The following PLXNA4 variants were observed in gnomAD, a reference collection of about 807,000 sequenced individuals.
PLXNA4 encodes plexin-A4.
PLXNA4 carries 44 observed loss-of-function variants against 191.8 expected under a neutral mutation model. That is an observed-to-expected ratio of 0.23 (90% CI 0.18 to 0.29). The LOEUF (loss-of-function observed/expected upper bound fraction) is 0.29. PLXNA4 is among the 10% of genes least tolerant of loss of function. The probability of loss-of-function intolerance (pLI) is 1.00; values close to 1 mark genes in which losing one functional copy is unlikely to be tolerated. For synonymous variants in PLXNA4, 1,082 were observed against 1,009.5 expected, an observed-to-expected ratio of 1.07 and a Z score of -1.36; for missense variants, 1,800 against 2,488.8, an observed-to-expected ratio of 0.72 and a Z score of 5.89.
intron 25 of PLXNA4, among the ~76,000 whole-genome samples, chr7:132,157,779 C>T (rs1795839171): frequency 6.6e-6 from 1 of 152,200 alleles, no homozygotes; most frequent in South Asian, 2.1e-4. Flanking sequence ...CACTACCAAA[C>T]TCAATTCTCC....
At chr7:132,388,397 G>T (rs925613719) in intron 3 of PLXNA4, among the ~76,000 whole-genome samples, 5 of 152,102 alleles carry the variant, frequency 3.3e-5, no homozygotes, top group Non-Finnish European at 7.4e-5. Flanking sequence ...TTGTGTCCCT[G>T]CCTGAGAGTA....
chr7:132,515,308 G>A (rs1016293154), intron 1 of PLXNA4, among the ~76,000 whole-genome samples: 3 of 152,150 alleles, frequency 2.0e-5, no homozygotes, highest in Non-Finnish European at 2.9e-5. Flanking sequence ...CAGGCCTGGC[G>A]ACATCCTATA....
At chr7:132,152,781 A>T (rs564709664) in intron 25 of PLXNA4, among the ~76,000 whole-genome samples, 2 of 152,200 alleles carry the variant, frequency 1.3e-5, no homozygotes, top group African/African-American at 4.8e-5. Flanking sequence ...TGCTGAGCTC[A>T]GAGAGAGCTG....
At chr7:132,223,493 G>C in intron 9 of PLXNA4, 34 bp downstream of exon 9, 1 of 1,551,336 alleles carries the variant, frequency 6.4e-7, no homozygotes, top group South Asian at 1.1e-5. Flanking sequence ...CTCACAACAA[G>C]AGACACTCAC....
chr7:132,570,156 TGC>T (rs1801911461), intron 1 of PLXNA4, among the ~76,000 whole-genome samples: 2 of 152,204 alleles, frequency 1.3e-5, no homozygotes, highest in East Asian at 3.9e-4. Context: ...CTTACTTGAC[TGC>T]GGAAACTTTT....
At chr7:132,364,158 CG>C (rs1434722904) in intron 3 of PLXNA4, among the ~76,000 whole-genome samples, 1 of 152,092 alleles carries the variant, frequency 6.6e-6, no homozygotes, top group Middle Eastern at 3.2e-3. Context: ...GTGGGAAAGG[CG>C]GGGCTGGGTA....
intron 3 of PLXNA4, among the ~76,000 whole-genome samples, chr7:132,393,199 C>G (rs540435512): frequency 8.7e-5 from 10 of 115,414 alleles, no homozygotes; most frequent in Admixed American, 4.0e-4. Context: ...CACCCCCCCC[C>G]ACCACCACCA....
intron 3 of PLXNA4, among the ~76,000 whole-genome samples, chr7:132,474,609 A>G (rs73442732): frequency 0.03 from 4,577 of 151,574 alleles, 145 homozygotes; most frequent in African/African-American, 0.08. Context: ...CCAAAGAGAT[A>G]TTGAGCACAT....
At chr7:132,177,217 G>A (rs1439313476) in intron 20 of PLXNA4, among the ~76,000 whole-genome samples, 1 of 152,230 alleles carries the variant, frequency 6.6e-6, no homozygotes, top group African/African-American at 2.4e-5. Flanking sequence ...GAGTGTATGT[G>A]TGAGTCCATG....
chr7:132,205,695 G>C (rs1310610418), intron 10 of PLXNA4, among the ~76,000 whole-genome samples: 3 of 152,150 alleles, frequency 2.0e-5, no homozygotes, highest in Non-Finnish European at 2.9e-5. Flanking sequence ...ACCCCAAGCT[G>C]AGCACCATCT....
chr7:132,310,629 T>G (rs932129328), intron 3 of PLXNA4, among the ~76,000 whole-genome samples: 20 of 152,202 alleles, frequency 1.3e-4, no homozygotes, highest in African/African-American at 4.8e-4. Flanking sequence ...TCATCCTGTC[T>G]GCAGGAAGCC....
chr7:132,313,026 T>C (rs114048287), intron 3 of PLXNA4, among the ~76,000 whole-genome samples: 1 of 152,236 alleles, frequency 6.6e-6, no homozygotes, highest in African/African-American at 2.4e-5. Context: ...GCATTCTTTT[T>C]TGATGGTCTT....
intron 5 of PLXNA4, among the ~76,000 whole-genome samples, chr7:132,235,216 C>T (rs1254286274): frequency 6.6e-6 from 1 of 152,186 alleles, no homozygotes. Flanking sequence ...ACAGTCGAGG[C>T]CCTTTGGGCC....
intron 10 of PLXNA4, among the ~76,000 whole-genome samples, chr7:132,209,052 G>A (rs1164455005): frequency 6.6e-6 from 1 of 152,236 alleles, no homozygotes; most frequent in Non-Finnish European, 1.5e-5. Context: ...GGGTCCCAGC[G>A]AGCTTCTTGG....
intron 2 of PLXNA4, among the ~76,000 whole-genome samples, chr7:132,622,749 C>T (rs1803293210): frequency 6.6e-6 from 1 of 152,194 alleles, no homozygotes; most frequent in Non-Finnish European, 1.5e-5. Context: ...CTAGATGCTG[C>T]AGAATTGTTT....
chr7:132,362,977 C>T (rs1329081913), intron 3 of PLXNA4, among the ~76,000 whole-genome samples: 1 of 152,130 alleles, frequency 6.6e-6, no homozygotes, highest in Non-Finnish European at 1.5e-5. Flanking sequence ...CATCTATCTT[C>T]AAAACTATTT....
At chr7:132,593,735 G>T (rs2116830022) in intron 2 of PLXNA4, among the ~76,000 whole-genome samples, 1 of 152,336 alleles carries the variant, frequency 6.6e-6, no homozygotes, top group Admixed American at 6.5e-5. Context: ...GGAGAAAGAG[G>T]GTCTGCCCTT....
intron 3 of PLXNA4, among the ~76,000 whole-genome samples, chr7:132,478,400 T>C (rs1797210787): frequency 6.6e-6 from 1 of 152,248 alleles, no homozygotes; most frequent in South Asian, 2.1e-4. Context: ...TCACAAGTGA[T>C]ACTTGTAGTA....
rs762844713 is a variant in PLXNA4, at chr7:132,179,871, C to T, written c.3690G>A (p.Pro1230=). 16 of 1,613,034 alleles carry T rather than the reference C, an allele frequency of 9.9e-6. No homozygotes were observed. The highest frequency in any genetic ancestry group is 6.6e-5 in the South Asian group (6 of 90,928). The change falls in exon 20 of 32, where the codon CCG becomes CCA. Residue 1230 remains proline, a synonymous_variant. Coordinates refer to ENST00000321063, the MANE Select transcript of PLXNA4 (RefSeq NM_020911.2). The part of the protein sequence containing the change: ...EYSPGMVYIA[P]DSPLSLPAIV... ...TGGCGGGCAGGCTGAGCGGGCTGTC[C>T]GGGGCAATGTACACCATCCCCGGGG...
Sources: gnomAD v4.1 joint callset for allele counts (sites outside exome capture counted in the v4.1 genomes callset) on GRCh38, gnomAD v4.1.1 for gene constraint, MANE v1.5 for transcripts, NCBI Gene and HGNC (gene_info 2026-07-23, HGNC 2026-07-21) for gene names.